The following ZNF831 variants were observed in gnomAD, a reference collection of about 807,000 sequenced individuals.
ZNF831 encodes the protein chromosome 20 open reading frame 174.
ZNF831 carries 59 observed loss-of-function variants against 95.8 expected under a neutral mutation model. That is an observed-to-expected ratio of 0.62 (90% CI 0.50 to 0.77). The LOEUF is 0.77. Ranked by LOEUF, ZNF831 falls within the 30% of genes least tolerant of loss-of-function variation. ZNF831 has a pLI of 0.00. For synonymous variants in ZNF831, 961 were observed against 925.5 expected, an observed-to-expected ratio of 1.04 and a Z score of -0.70; for missense variants, 2,205 against 2,164.0, an observed-to-expected ratio of 1.02 and a Z score of -0.38.
At chr20:59,149,877 G>C (rs759613981) in intron 2 of ZNF831, among the ~76,000 whole-genome samples, 11 of 152,238 alleles carry the variant, frequency 7.2e-5, no homozygotes, top group Non-Finnish European at 1.3e-4. Flanking sequence ...AGGCCCTGAG[G>C]GGGGCTGTCG....
At chr20:59,198,569 G>T (rs1279005215) in intron 3 of ZNF831, among the ~76,000 whole-genome samples, 1 of 152,294 alleles carries the variant, frequency 6.6e-6, no homozygotes, top group African/African-American at 2.4e-5. Context: ...CTGGCCTTGT[G>T]GAACTAGACG....
At chr20:59,153,507 A>G (rs1980364022) in intron 2 of ZNF831, among the ~76,000 whole-genome samples, 2 of 152,240 alleles carry the variant, frequency 1.3e-5, no homozygotes, top group African/African-American at 4.8e-5. Context: ...CCAAGCGCTT[A>G]TTCGTGCTGG....
chr20:59,191,438 ATGCGGGC>A lies in ZNF831; in HGVS notation c.420_426del (p.Asn140LysfsTer13). The A allele has an allele frequency of 1.9e-6, 3 of 1,612,892 alleles. No homozygotes were observed. Among genetic ancestry groups the A allele is most frequent in the Non-Finnish European group, 2.5e-6 (3 of 1,179,922 alleles). On this transcript the variant is annotated frameshift_variant, in exon 2 of 6. Transcript: ENST00000371030. LOFTEE classifies it high-confidence loss of function. ...CTGGGCAGCCCAGGCAAGGTGCGGA[ATGCGGGC>A]AAGTACCTGTGTCCGCACTGTGGTC...
At chr20:59,125,826 C>T (rs868746493) in intron 1 of ZNF831, among the ~76,000 whole-genome samples, 2 of 152,164 alleles carry the variant, frequency 1.3e-5, no homozygotes, top group South Asian at 4.1e-4. Flanking sequence ...ACAGTAAAAT[C>T]TCATTAATTC....
At chr20:59,142,635 C>A (rs1056032452) in intron 1 of ZNF831, among the ~76,000 whole-genome samples, 20 of 152,196 alleles carry the variant, frequency 1.3e-4, no homozygotes, top group African/African-American at 4.8e-4. Context: ...CTGGTCCTTC[C>A]TAATCCCTTT....
Position 59,191,374 on chromosome 20 carries a change from G to T in ZNF831, c.355G>T (p.Gly119Cys), listed in dbSNP as rs1203713677. The T allele has an allele frequency of 1.2e-6, 2 of 1,608,804 alleles. No individual in the cohort carries two copies. Among genetic ancestry groups the T allele is most frequent in the Admixed American group, 3.4e-5 (2 of 59,650 alleles). The part of the protein sequence containing the change: ...AAPTLTVNIV[G>C]TLPVLSPGLG... ...CCCTACGCTGACGGTGAACATCGTG[G>T]GCACTCTGCCTGTCCTGTCGCCGGG... Residue 119 changes from glycine (G) to cysteine (C), a missense_variant, in exon 2 of 6, where the codon GGC becomes TGC. Gly to Cys is a radical substitution (Grantham distance 159, BLOSUM62 -3). Transcript: ENST00000371030.
intron 4 of ZNF831, among the ~76,000 whole-genome samples, chr20:59,236,952 C>G (rs1451229087): frequency 5.3e-5 from 8 of 152,030 alleles, no homozygotes; most frequent in African/African-American, 1.7e-4. Flanking sequence ...TGTTCCCGAA[C>G]CTGCAATTAC....
chr20:59,251,748 G>T (rs530629134), intron 4 of ZNF831, among the ~76,000 whole-genome samples: 1 of 152,218 alleles, frequency 6.6e-6, no homozygotes, highest in South Asian at 2.1e-4. Flanking sequence ...TTGGAGAGGT[G>T]GTTGGAAAAT....
intron 4 of ZNF831, among the ~76,000 whole-genome samples, chr20:59,250,000 C>T (rs907927187): frequency 2.0e-4 from 30 of 152,168 alleles, no homozygotes; most frequent in African/African-American, 6.5e-4. Context: ...CCTGATTTAA[C>T]AGTGAGAAGA....
chr20:59,238,977 T>C (rs189992362), intron 4 of ZNF831, among the ~76,000 whole-genome samples: 30 of 152,324 alleles, frequency 2.0e-4, no homozygotes, highest in Middle Eastern at 6.8e-3. Flanking sequence ...TATTGGAATA[T>C]TGGAGGTAAA....
intron 1 of ZNF831, among the ~76,000 whole-genome samples, chr20:59,172,994 C>A (rs1981863686): frequency 1.3e-5 from 2 of 152,324 alleles, no homozygotes; most frequent in South Asian, 4.1e-4. Context: ...CTAGAGGGAG[C>A]AGGGGCTTGT....
At chr20:59,147,042 C>G (rs994669522) in intron 2 of ZNF831, 1 of 151,938 alleles carries the variant, frequency 6.6e-6, no homozygotes, top group Non-Finnish European at 1.5e-5. Context: ...GTCTCTGGGT[C>G]GGAGGGGAGC....
At chr20:59,153,117 A>G (rs1198405114) in intron 2 of ZNF831, among the ~76,000 whole-genome samples, 1 of 152,156 alleles carries the variant, frequency 6.6e-6, no homozygotes, top group African/African-American at 2.4e-5. Flanking sequence ...TCAGTCCAAC[A>G]GACTCAACAA....
chr20:59,195,904 G>A lies in ZNF831; in HGVS notation c.3774G>A (p.Gln1258=). The change falls in exon 3 of 6, where the codon CAG becomes CAA. Residue 1258 remains glutamine, a synonymous_variant. Coordinates refer to ENST00000371030, the MANE Select transcript of ZNF831 (RefSeq NM_178457.3). ...SYPTVPGVMP[Q]HQVSEPEWKK... ...CAACAGTCCCAGGGGTGATGCCCCAGCACCAGGTGTCTGAGCCAGAATGGA... is the reference window on the plus strand; with the variant it reads ...CAACAGTCCCAGGGGTGATGCCCCAACACCAGGTGTCTGAGCCAGAATGGA... 6.2e-7 allele frequency: 1 copy of A among 1,614,178 alleles called. No homozygotes were observed. Among genetic ancestry groups the A allele is most frequent in the Non-Finnish European group, 8.5e-7 (1 of 1,180,026 alleles).
chr20:59,211,613 C>T (rs1277613984), intron 4 of ZNF831, among the ~76,000 whole-genome samples: 1 of 152,194 alleles, frequency 6.6e-6, no homozygotes, highest in Non-Finnish European at 1.5e-5. Flanking sequence ...GAGTGACAGG[C>T]ACTCTGAGGG....
chr20:59,234,842 T>A (rs1986913115), intron 4 of ZNF831, among the ~76,000 whole-genome samples: 1 of 152,224 alleles, frequency 6.6e-6, no homozygotes, highest in Admixed American at 6.5e-5. Context: ...TCCCATAAAC[T>A]CTGCACCTAG....
chr20:59,209,557 T>A lies in ZNF831; in HGVS notation c.4027+2501T>A, dbSNP rs927691489. Among the ~76,000 whole-genome samples, 3 of 152,270 alleles carry A rather than the reference T, an allele frequency of 2.0e-5. No homozygotes were observed. In the East Asian group the frequency reaches 5.8e-4, roughly 29 times the overall value. ...GGGCACATGCTGGGCCCCCAGAAGA[T>A]GTGGGACAGCCATTGATGACAGTGT... On this transcript the variant is annotated intron_variant, in intron 4 of 5. Coordinates refer to ENST00000371030, the MANE Select transcript of ZNF831 (RefSeq NM_178457.3).
intron 1 of ZNF831, among the ~76,000 whole-genome samples, chr20:59,187,925 T>C (rs1049636908): frequency 6.6e-6 from 1 of 152,238 alleles, no homozygotes; most frequent in Non-Finnish European, 1.5e-5. Context: ...CTGGCTTCTT[T>C]CATGCAGCAT....
chr20:59,145,887 C>CTT (rs1979833494), intron 1 of ZNF831, among the ~76,000 whole-genome samples: 2 of 152,144 alleles, frequency 1.3e-5, no homozygotes, highest in African/African-American at 2.4e-5. Context: ...CCCTCCTCCT[C>CTT]CTCAACTGAA....
Sources: allele counts gnomAD v4.1 joint callset (sites outside exome capture counted in the v4.1 genomes callset), GRCh38; gene constraint gnomAD v4.1.1; transcripts MANE v1.5; gene names NCBI Gene and HGNC (gene_info 2026-07-23, HGNC 2026-07-21).